TIAM2: variants seen among roughly 807,000 people sequenced by gnomAD.
TIAM2 encodes TIAM Rac1 associated GEF 2, also known as rho guanine nucleotide exchange factor TIAM2.
A neutral mutation model predicts 152.9 loss-of-function variants in TIAM2; 80 were observed. The observed-to-expected ratio is 0.52, with a 90% CI of 0.44 to 0.63. The LOEUF (loss-of-function observed/expected upper bound fraction) is 0.63. Among genes scored for constraint, TIAM2 ranks in the 30% least tolerant of loss-of-function variants. TIAM2 has a pLI of 0.00. For synonymous variants in TIAM2, 804 were observed against 838.0 expected (o/e 0.96, Z 0.70); for missense variants, 1,965 against 2,120.1 (o/e 0.93, Z 1.44).
At chr6:155,118,198 C>G (rs1779059309) in intron 2 of TIAM2, among the ~76,000 whole-genome samples, 1 of 152,114 alleles carries the variant, frequency 6.6e-6, no homozygotes, top group African/African-American at 2.4e-5. Flanking sequence ...TTCCCTCTTA[C>G]CTCCTCCTCT....
chr6:155,172,221 T>C (rs938538494), intron 9 of TIAM2, among the ~76,000 whole-genome samples: 1 of 152,138 alleles, frequency 6.6e-6, no homozygotes, highest in Non-Finnish European at 1.5e-5. Flanking sequence ...CCCAGTGATG[T>C]TCCCGTGTCG....
At chr6:155,148,374 T>C (rs78738048) in intron 7 of TIAM2, 40 bp downstream of exon 7, 38 of 1,564,068 alleles carry the variant, frequency 2.4e-5, no homozygotes, top group East Asian at 1.8e-4. Context: ...CCATTGCTCA[T>C]GTCACTTGTG....
At chr6:155,147,516 C>T (rs886823720) in intron 6 of TIAM2, among the ~76,000 whole-genome samples, 3 of 151,548 alleles carry the variant, frequency 2.0e-5, no homozygotes, top group African/African-American at 4.9e-5. Flanking sequence ...GACAGAGTCT[C>T]ACTCTGTTAC....
intron 2 of TIAM2, among the ~76,000 whole-genome samples, chr6:155,104,058 C>CCCCCACA (rs1778620589): frequency 3.3e-5 from 2 of 60,322 alleles, no homozygotes; most frequent in Non-Finnish European, 6.9e-5. Context: ...CCCCACACCC[C>CCCCCACA]CACACACCCC....
intron 21 of TIAM2, 97 bp from the exon 22 acceptor site, chr6:155,250,816 G>A: frequency 7.6e-7 from 1 of 1,317,352 alleles, no homozygotes; most frequent in Non-Finnish European, 1.1e-6. Flanking sequence ...AGCTGTGCTT[G>A]CATTTTAGCA....
Position 155,130,245 on chromosome 6 carries a change from T to G in TIAM2, c.1022T>G (p.Val341Gly), listed in dbSNP as rs1333157416. ...GTCTCTTTTGCTTCCGACATTGATG[T>G]GCCCTCCAGAGTGGCACACGGGGAC... Reference protein sequence around the residue: ...NRVSFASDIDVPSRVAHGDPI... With the variant: ...NRVSFASDIDGPSRVAHGDPI... The change falls in exon 4 of 27, where the codon GTG (valine) becomes GGG (glycine). Residue 341 changes from valine to glycine, a missense_variant. Physicochemically the swap from Val to Gly is moderately radical, Grantham distance 109. This residue lies in a region of TIAM2 where 1,025 missense variants were observed against 1,119.4 expected (regional missense o/e 0.92). Transcript: ENST00000682666. 1 of 1,614,050 alleles carries G rather than the reference T, an allele frequency of 6.2e-7. No individual in the cohort carries two copies. The highest frequency in any genetic ancestry group is 8.5e-7 in the Non-Finnish European group (1 of 1,180,044).
intron 4 of TIAM2, among the ~76,000 whole-genome samples, chr6:155,136,178 G>C (rs1779548450): frequency 7.2e-6 from 1 of 138,730 alleles, no homozygotes; most frequent in Non-Finnish European, 1.5e-5. Context: ...TGGGCAATGA[G>C]AGCGAAACTC....
intron 15 of TIAM2, among the ~76,000 whole-genome samples, 174 bp from the exon 16 acceptor site, chr6:155,240,356 C>CA (rs1188456540): frequency 6.6e-6 from 1 of 152,218 alleles, no homozygotes; most frequent in Non-Finnish European, 1.5e-5. Flanking sequence ...CTTCCTTACT[C>CA]AGATCCGAAA....
chr6:155,063,382 C>T (rs542702389), intron 1 of TIAM2, among the ~76,000 whole-genome samples: 191 of 151,842 alleles, frequency 1.3e-3, no homozygotes, highest in Non-Finnish European at 2.0e-3. Context: ...ACATGTTGTG[C>T]GTGTGTGGGT....
At chr6:155,083,540 T>C (rs926264920) in intron 1 of TIAM2, among the ~76,000 whole-genome samples, 5 of 152,162 alleles carry the variant, frequency 3.3e-5, no homozygotes, top group African/African-American at 1.2e-4. Context: ...CCTGCTGCCA[T>C]AAACATGGTG....
intron 2 of TIAM2, 85 bp from the exon 3 acceptor site, chr6:155,127,405 T>C (rs1240857382): frequency 2.8e-6 from 1 of 356,268 alleles, no homozygotes; most frequent in African/African-American, 2.2e-5. Flanking sequence ...TTTCTTCATA[T>C]AATTTGCGTT....
At chr6:155,252,324 CTG>C (rs1478337626) in intron 23 of TIAM2, among the ~76,000 whole-genome samples, 6 of 152,246 alleles carry the variant, frequency 3.9e-5, no homozygotes, top group African/African-American at 1.4e-4. Context: ...ATACAAGTAA[CTG>C]GGTGTGGTAG....
intron 1 of TIAM2, chr6:155,022,558 A>G (rs1316597972): frequency 6.6e-6 from 1 of 152,228 alleles, no homozygotes; most frequent in Non-Finnish European, 1.5e-5. Flanking sequence ...CCTCAGCCTC[A>G]TAAGGTACTG....
chr6:155,125,398 C>T (rs1233680961), intron 2 of TIAM2, among the ~76,000 whole-genome samples: 5 of 152,164 alleles, frequency 3.3e-5, no homozygotes, highest in African/African-American at 9.7e-5. Context: ...TGAGATACTG[C>T]TTATGTCCAT....
At chr6:155,076,120 G>T (rs781708929) in intron 1 of TIAM2, among the ~76,000 whole-genome samples, 1 of 152,098 alleles carries the variant, frequency 6.6e-6, no homozygotes, top group Non-Finnish European at 1.5e-5. Flanking sequence ...TTCCACTTGC[G>T]GTGTCATGTT....
intron 2 of TIAM2, among the ~76,000 whole-genome samples, chr6:155,091,931 T>C (rs1057121381): frequency 6.6e-6 from 1 of 152,216 alleles, no homozygotes; most frequent in South Asian, 2.1e-4. Flanking sequence ...AGCGACGCGC[T>C]CTGTTGCCCA....
intron 2 of TIAM2, among the ~76,000 whole-genome samples, chr6:155,094,681 C>T (rs897152444): frequency 3.3e-5 from 5 of 150,590 alleles, no homozygotes; most frequent in African/African-American, 1.2e-4. Flanking sequence ...TCCTGAGCAG[C>T]TGGGATTATA....
intron 1 of TIAM2, among the ~76,000 whole-genome samples, chr6:155,052,233 A>T (rs1242447261): frequency 6.6e-6 from 1 of 152,204 alleles, no homozygotes; most frequent in African/African-American, 2.4e-5. Flanking sequence ...CAAAACAAAA[A>T]TGCAGAATCT....
At chr6:155,175,183 T>C (rs1253382844) in intron 9 of TIAM2, among the ~76,000 whole-genome samples, 1 of 152,184 alleles carries the variant, frequency 6.6e-6, no homozygotes, top group African/African-American at 2.4e-5. Context: ...TGATCATCCT[T>C]CCAGAAAAAT....
Sources: allele counts gnomAD v4.1 joint callset (sites outside exome capture counted in the v4.1 genomes callset), GRCh38; gene constraint gnomAD v4.1.1; regional missense constraint gnomAD v4.1.1; transcripts MANE v1.5; gene names NCBI Gene and HGNC (gene_info 2026-07-23, HGNC 2026-07-21).